Variants in FAM186B observed in about 807,000 individuals in gnomAD.
FAM186B encodes family with sequence similarity 186 member B, also known as protein FAM186B.
A neutral mutation model predicts 83.4 loss-of-function variants in FAM186B; 68 were observed. The observed-to-expected ratio is 0.81, with a 90% confidence interval of 0.67 to 1.00. The LOEUF (loss-of-function observed/expected upper bound fraction) is 1.00. Among genes scored for constraint, FAM186B ranks in the 50% least tolerant of loss-of-function variants. The pLI is 0.00. For synonymous variants in FAM186B, 389 were observed against 422.0 expected, an observed-to-expected ratio of 0.92 and a Z score of 0.96; for missense variants, 983 against 1,099.2, an observed-to-expected ratio of 0.89 and a Z score of 1.49.
At chr12:49,596,763 G>A (rs545616037) in intron 5 of FAM186B, among the ~76,000 whole-genome samples, 1 of 152,212 alleles carries the variant, frequency 6.6e-6, no homozygotes, top group East Asian at 1.9e-4. Flanking sequence ...ATGACCCAGG[G>A]ATTCTCTTCT....
chr12:49,620,404 T>C, the FAM186B span, among the ~76,000 whole-genome samples: 8 of 152,068 alleles, frequency 5.3e-5, no homozygotes, highest in East Asian at 1.5e-3. Flanking sequence ...GCGCGGTGGC[T>C]CACACCTGTA....
At position 49,598,732 on chromosome 12, in the gene FAM186B, G is replaced by C. The variant is rs754115685; in HGVS notation, c.2364+23C>G. The C allele has an allele frequency of 5.2e-6, 8 of 1,543,680 alleles. No homozygotes were observed. In the East Asian group the frequency reaches 1.8e-4, roughly 36 times the overall value. On this transcript the variant is annotated intron_variant, in intron 5 of 6. Coordinates refer to ENST00000257894, the MANE Select transcript of FAM186B (RefSeq NM_032130.3). ...CTGACCCCAGGAGGCGGAGTGGCGG[G>C]GGGGTCAGGGCGGGAGGCCCACCTT...
At chr12:49,621,014 T>A in the FAM186B span, among the ~76,000 whole-genome samples, 1 of 152,206 alleles carries the variant, frequency 6.6e-6, no homozygotes, top group East Asian at 1.9e-4. Context: ...TGTATTGTTA[T>A]AAAAATAAGT....
At chr12:49,588,674 C>G in intron 5 of FAM186B, 51 bp from the exon 6 acceptor site, 1 of 1,522,764 alleles carries the variant, frequency 6.6e-7, no homozygotes, top group Non-Finnish European at 8.9e-7. Context: ...TATCTCCTCT[C>G]TAGGTCGTGA....
At position 49,600,714 on chromosome 12, in the gene FAM186B, A is replaced by C; in HGVS notation, c.926T>G (p.Leu309Arg). ...CTGGAACTCCAAGGCCTGCTTCATC[A>C]GGAGAAGGTCATGGTACCTTCCCCC... Reference protein sequence around the residue: ...ILGGRYHDLLLMKQALEFQLK... With the variant: ...ILGGRYHDLLRMKQALEFQLK... The change falls in exon 4 of 7, where the codon CTG (leucine) becomes CGG (arginine). Residue 309 changes from leucine to arginine, a missense_variant. Transcript: ENST00000257894. The surrounding 1 kb of genome is among the most constrained non-coding windows in gnomAD (Gnocchi z 4.3). 1.2e-6 allele frequency: 2 copies of C among 1,614,170 alleles called. No individual in the cohort carries two copies. The highest frequency in any genetic ancestry group is 1.7e-6 in the Non-Finnish European group (2 of 1,180,024).
At chr12:49,588,065 G>A (rs1455904221) in intron 6 of FAM186B, among the ~76,000 whole-genome samples, 3 of 152,232 alleles carry the variant, frequency 2.0e-5, no homozygotes. Flanking sequence ...CGCCCCAGAG[G>A]TTCACAGTGT....
rs1939854545 is a variant in FAM186B at position 49,600,406 on chromosome 12, T to C, written c.1234A>G (p.Ser412Gly). The C allele has an allele frequency of 6.2e-7, 1 of 1,613,846 alleles. No individual in the cohort carries two copies. The highest frequency in any genetic ancestry group is 8.5e-7 in the Non-Finnish European group (1 of 1,179,920). ...ADVFGSKDTE[S>G]LEPVLLPLVD... ...AAGGGTAAAAGCACAGGCTCAAGGC[T>C]CTCAGTGTCCTTGCTGCCGAACACA... The change falls in exon 4 of 7, where the codon AGC (serine) becomes GGC (glycine). Residue 412 changes from serine (S) to glycine (G), a missense_variant. Physicochemically the swap from Ser to Gly is moderately conservative, Grantham distance 56 (BLOSUM62 0). Transcript: ENST00000257894. This position sits in a 1 kb window ranked among gnomAD's most constrained non-coding sequence, Gnocchi z 4.3.
intron 5 of FAM186B, among the ~76,000 whole-genome samples, chr12:49,591,322 G>A (rs1939576317): frequency 6.6e-6 from 1 of 152,176 alleles, no homozygotes; most frequent in Admixed American, 6.5e-5. Flanking sequence ...AAACCACCAA[G>A]GCTGGGGGAA....
rs1253617129 is a variant in FAM186B at position 49,587,761 on chromosome 12, G to A, written c.2535-9C>T. 4 of 1,608,214 alleles carry A rather than the reference G, an allele frequency of 2.5e-6. No homozygotes were observed. Among genetic ancestry groups the A allele is most frequent in the Admixed American group, 3.4e-5 (2 of 58,884 alleles). On this transcript the variant is annotated splice_polypyrimidine_tract_variant and intron_variant, in intron 6 of 6. Coordinates refer to ENST00000257894, the MANE Select transcript of FAM186B (RefSeq NM_032130.3). ...TCTGCTTCCCCTGTTGGCTGGGAGT[G>A]GGGAGTTTGGAGAATGTGAAAAGCA...
At chr12:49,607,824 C>T (rs1940051183), upstream of FAM186B, among the ~76,000 whole-genome samples, 3 of 152,102 alleles carry the variant, frequency 2.0e-5, no homozygotes, top group South Asian at 6.2e-4. Flanking sequence ...CTCAGCCTCC[C>T]TAGCAGCTGA....
chr12:49,595,678 T>G (rs1253334683), intron 5 of FAM186B: 5 of 400,644 alleles, frequency 1.2e-5, no homozygotes, highest in African/African-American at 1.0e-4. Flanking sequence ...GCTCCACTAG[T>G]TCTTAAAGAC....
At chr12:49,620,250 A>C in the FAM186B span, among the ~76,000 whole-genome samples, 1 of 152,228 alleles carries the variant, frequency 6.6e-6, no homozygotes, top group Non-Finnish European at 1.5e-5. Context: ...CCAACCCTGA[A>C]GTACTCCTAG....
chr12:49,599,011 A>G, intron 4 of FAM186B, 64 bp from the exon 5 acceptor site: 1 of 1,500,306 alleles, frequency 6.7e-7, no homozygotes, highest in Non-Finnish European at 9.1e-7. Flanking sequence ...AAGTCTGTTA[A>G]CCAGAGATGA....
intron 3 of FAM186B, among the ~76,000 whole-genome samples, chr12:49,602,291 A>G (rs941594795): frequency 1.3e-5 from 2 of 152,206 alleles, no homozygotes; most frequent in African/African-American, 4.8e-5. Context: ...AAGACATAGT[A>G]CGGTACAGAT....
intron 3 of FAM186B, among the ~76,000 whole-genome samples, chr12:49,601,724 C>A (rs1024799200): frequency 6.6e-6 from 1 of 151,768 alleles, no homozygotes; most frequent in East Asian, 1.9e-4. Context: ...GCACTACACA[C>A]AGATTGTGCC....
intron 5 of FAM186B, among the ~76,000 whole-genome samples, chr12:49,598,433 G>C (rs1376009430): frequency 6.6e-6 from 1 of 152,184 alleles, no homozygotes; most frequent in Non-Finnish European, 1.5e-5. Flanking sequence ...TCACAGCCCA[G>C]AGCCAGGACT....
the FAM186B span, chr12:49,619,297 G>A: frequency 3.5e-6 from 1 of 283,790 alleles, no homozygotes; most frequent in Non-Finnish European, 6.4e-6. Flanking sequence ...GTGTGAGGGG[G>A]TTTTCTCGCT....
At chr12:49,615,075 G>A in the FAM186B span, among the ~76,000 whole-genome samples, 2 of 152,108 alleles carry the variant, frequency 1.3e-5, 1 homozygote, top group South Asian at 4.1e-4. Context: ...CTTGCAGTGA[G>A]CCAAGTTCGT....
At chr12:49,592,218 A>T (rs1270187862) in intron 5 of FAM186B, among the ~76,000 whole-genome samples, 2 of 152,250 alleles carry the variant, frequency 1.3e-5, no homozygotes, top group Non-Finnish European at 2.9e-5. Flanking sequence ...TCACGCCTGT[A>T]ATCCCAGCAC....
Sources: allele counts gnomAD v4.1 joint callset (sites outside exome capture counted in the v4.1 genomes callset), GRCh38; gene constraint gnomAD v4.1.1; non-coding constraint Gnocchi (gnomAD v3.1); transcripts MANE v1.5; gene names NCBI Gene and HGNC (gene_info 2026-07-23, HGNC 2026-07-21).